The following GALNT13 variants were observed in gnomAD, a reference collection of about 807,000 sequenced individuals.
The protein encoded by GALNT13 is UDP-GalNAc:polypeptide N-acetylgalactosaminyltransferase 13.
Under a neutral mutation model 64.2 loss-of-function variants are expected in GALNT13, and 28 were observed. The observed-to-expected ratio is 0.44, with a 90% CI of 0.32 to 0.60. The LOEUF (loss-of-function observed/expected upper bound fraction) is 0.60. GALNT13 is among the 20% of genes least tolerant of loss of function. GALNT13 has a pLI of 0.05. For synonymous variants in GALNT13, 214 were observed against 224.6 expected, an observed-to-expected ratio of 0.95 and a Z score of 0.42; for missense variants, 577 against 669.8, an observed-to-expected ratio of 0.86 and a Z score of 1.53.
the GALNT13 span, chr2:153,158,866 C>T: frequency 6.6e-6 from 1 of 152,206 alleles, no homozygotes; most frequent in African/African-American, 2.4e-5. Flanking sequence ...AACTGAGTTT[C>T]TGGTGATCAC....
the GALNT13 span, among the ~76,000 whole-genome samples, chr2:153,424,247 A>C: frequency 6.6e-6 from 1 of 151,430 alleles, no homozygotes; most frequent in East Asian, 2.0e-4. Context: ...CATTAGAGGC[A>C]TGAAATGAAA....
At chr2:153,439,863 C>G in the GALNT13 span, among the ~76,000 whole-genome samples, 1 of 152,164 alleles carries the variant, frequency 6.6e-6, no homozygotes, top group East Asian at 1.9e-4. Flanking sequence ...TGAGATGAAC[C>G]CGGTACCTCA....
At chr2:154,305,426 T>G (rs1693678901) in intron 9 of GALNT13, among the ~76,000 whole-genome samples, 1 of 152,146 alleles carries the variant, frequency 6.6e-6, no homozygotes, top group African/African-American at 2.4e-5. Context: ...TGAAAAACTC[T>G]AAAGAGTTTA....
chr2:154,287,040 G>C, intron 8 of GALNT13: 1 of 653,848 alleles, frequency 1.5e-6, no homozygotes, highest in Admixed American at 2.1e-5. Flanking sequence ...CCAGGCAGGT[G>C]AGTGATGACC....
the GALNT13 span, among the ~76,000 whole-genome samples, chr2:153,322,963 G>A: frequency 1.8e-4 from 28 of 152,228 alleles, no homozygotes; most frequent in Admixed American, 1.8e-3. Flanking sequence ...AAACATACGT[G>A]TGCATGTGTC....
At chr2:153,432,315 A>G in the GALNT13 span, among the ~76,000 whole-genome samples, 7 of 152,282 alleles carry the variant, frequency 4.6e-5, no homozygotes, top group East Asian at 1.2e-3. Flanking sequence ...TGTTACCACC[A>G]GTGGATTTTT....
chr2:153,148,307 C>T, the GALNT13 span, among the ~76,000 whole-genome samples: 1 of 151,750 alleles, frequency 6.6e-6, no homozygotes, highest in Non-Finnish European at 1.5e-5. Flanking sequence ...TGAGTTAGTC[C>T]AAGCTTGCAG....
the GALNT13 span, among the ~76,000 whole-genome samples, chr2:153,350,575 G>T: frequency 1.3e-5 from 2 of 151,814 alleles, no homozygotes; most frequent in Admixed American, 1.3e-4. Flanking sequence ...TAGAGACAGG[G>T]TTTTACCATG....
At chr2:154,004,947 T>A (rs1696152153) in intron 3 of GALNT13, among the ~76,000 whole-genome samples, 1 of 152,178 alleles carries the variant, frequency 6.6e-6, no homozygotes, top group Non-Finnish European at 1.5e-5. Context: ...AGTATACCTT[T>A]AAAATTAGAA....
At chr2:154,124,138 C>T (rs1347995888) in intron 3 of GALNT13, among the ~76,000 whole-genome samples, 2 of 151,830 alleles carry the variant, frequency 1.3e-5, no homozygotes, top group Non-Finnish European at 2.9e-5. Flanking sequence ...TGAAGGTGCA[C>T]ATAAATAGAA....
intron 6 of GALNT13, 23 bp from the exon 7 acceptor site, chr2:154,245,789 A>G (rs764871816): frequency 3.3e-6 from 5 of 1,505,444 alleles, no homozygotes; most frequent in South Asian, 2.4e-5. Flanking sequence ...TGTGTCTATA[A>G]ATTGGTTTTA....
At chr2:154,100,806 C>T (rs1702306092) in intron 3 of GALNT13, among the ~76,000 whole-genome samples, 2 of 152,048 alleles carry the variant, frequency 1.3e-5, no homozygotes, top group Admixed American at 1.3e-4. Flanking sequence ...AAGTTTTCAA[C>T]CTTTCCCCAT....
the GALNT13 span, among the ~76,000 whole-genome samples, chr2:153,347,853 T>A: frequency 6.6e-6 from 1 of 152,224 alleles, no homozygotes; most frequent in Non-Finnish European, 1.5e-5. Context: ...TCAAATGATT[T>A]TGCCTGCATA....
chr2:153,106,380 T>C, the GALNT13 span, among the ~76,000 whole-genome samples: 10 of 152,102 alleles, frequency 6.6e-5, no homozygotes, highest in African/African-American at 2.4e-4. Flanking sequence ...GAAGCATTTG[T>C]CAAGTCCATT....
At chr2:154,116,017 G>C (rs990639469) in intron 3 of GALNT13, among the ~76,000 whole-genome samples, 7 of 152,308 alleles carry the variant, frequency 4.6e-5, no homozygotes, top group African/African-American at 1.7e-4. Flanking sequence ...ACAGGTATTA[G>C]GGTTGGCTTG....
At chr2:153,141,305 G>A in the GALNT13 span, among the ~76,000 whole-genome samples, 1 of 151,962 alleles carries the variant, frequency 6.6e-6, no homozygotes, top group African/African-American at 2.4e-5. Flanking sequence ...CTGGGCTGGG[G>A]CAGCCACCAC....
intron 4 of GALNT13, among the ~76,000 whole-genome samples, chr2:154,230,704 CT>C (rs1688868099): frequency 6.6e-6 from 1 of 152,008 alleles, no homozygotes; most frequent in African/African-American, 2.4e-5. Flanking sequence ...AGACATCAGC[CT>C]AGTGTACCCT....
chr2:154,151,637 A>G (rs912067549), intron 4 of GALNT13, among the ~76,000 whole-genome samples: 2 of 152,190 alleles, frequency 1.3e-5, no homozygotes, highest in African/African-American at 4.8e-5. Flanking sequence ...ATATATATTT[A>G]GGATAGTTAG....
chr2:153,848,723 A>C, the GALNT13 span, among the ~76,000 whole-genome samples: 1 of 152,044 alleles, frequency 6.6e-6, no homozygotes, highest in Non-Finnish European at 1.5e-5. Context: ...AAAAATATAC[A>C]AACTTTTAAA....
Sources: gnomAD v4.1 joint callset for allele counts (sites outside exome capture counted in the v4.1 genomes callset) on GRCh38, gnomAD v4.1.1 for gene constraint, MANE v1.5 for transcripts, NCBI Gene and HGNC (gene_info 2026-07-23, HGNC 2026-07-21) for gene names.